The following PTAFR variants were observed in gnomAD, a reference collection of about 807,000 sequenced individuals.
PTAFR encodes platelet-activating factor receptor.
A neutral mutation model predicts 14.7 loss-of-function variants in PTAFR; 8 were observed. The ratio of observed to expected loss-of-function variants is 0.54; its 90% CI spans 0.32 to 0.98. The LOEUF is 0.98. PTAFR is among the 50% of genes least tolerant of loss of function. The pLI, the probability that PTAFR is intolerant of heterozygous loss-of-function variation, is 0.04. For missense variants in PTAFR, 337 were observed against 451.2 expected, an observed-to-expected ratio of 0.75 and a Z score of 2.29; for synonymous variants, 156 against 176.5, an observed-to-expected ratio of 0.88 and a Z score of 0.92.
chr1:28,172,176 T>C (rs1646460702), intron 1 of PTAFR, among the ~76,000 whole-genome samples: 1 of 152,158 alleles, frequency 6.6e-6, no homozygotes. Context: ...CCACCATGCC[T>C]GGCTAATTTT....
intron 1 of PTAFR, among the ~76,000 whole-genome samples, chr1:28,184,082 G>GTTTT (rs1165813776): frequency 6.1e-5 from 5 of 82,408 alleles, no homozygotes; most frequent in Admixed American, 1.5e-4. Context: ...CCATTAGTCT[G>GTTTT]TTTTTTTTTT....
At chr1:28,154,638 C>A (rs1220809764) in intron 1 of PTAFR, among the ~76,000 whole-genome samples, 1 of 151,736 alleles carries the variant, frequency 6.6e-6, no homozygotes, top group African/African-American at 2.4e-5. Context: ...ACGGTGAAAC[C>A]CCATCTCTAC....
chr1:28,177,867 G>A (rs112041687), upstream of PTAFR, among the ~76,000 whole-genome samples: 1,035 of 152,174 alleles, frequency 6.8e-3, 14 homozygotes, highest in African/African-American at 0.024. Flanking sequence ...GGGTATGTGT[G>A]AAAGTGAGCT....
intron 1 of PTAFR, among the ~76,000 whole-genome samples, chr1:28,156,588 T>G (rs1646265994): frequency 6.6e-6 from 1 of 152,226 alleles, no homozygotes; most frequent in Non-Finnish European, 1.5e-5. Flanking sequence ...ATGAAAATTT[T>G]TAGAATGTCT....
chr1:28,159,204 A>T (rs988119847), intron 1 of PTAFR, among the ~76,000 whole-genome samples: 1 of 152,192 alleles, frequency 6.6e-6, no homozygotes, highest in African/African-American at 2.4e-5. Context: ...TGAAACACCC[A>T]AAAGGACCAG....
intron 1 of PTAFR, among the ~76,000 whole-genome samples, chr1:28,193,274 C>G (rs1646670963): frequency 6.6e-6 from 1 of 151,930 alleles, no homozygotes; most frequent in East Asian, 1.9e-4. Flanking sequence ...GGGTGTGGAT[C>G]TGTCAGTGCA....
intron 1 of PTAFR, among the ~76,000 whole-genome samples, chr1:28,189,976 T>TCTTAGC (rs1396097360): frequency 4.7e-5 from 7 of 148,596 alleles, no homozygotes; most frequent in Middle Eastern, 4.1e-3. Flanking sequence ...AAATAACATT[T>TCTTAGC]ATTTTTTTTG....
At chr1:28,157,338 C>T (rs1646275378) in intron 1 of PTAFR, among the ~76,000 whole-genome samples, 1 of 151,950 alleles carries the variant, frequency 6.6e-6, no homozygotes, top group South Asian at 2.1e-4. Context: ...TGAGGCATGC[C>T]CACCATGGCC....
At chr1:28,168,876 C>G (rs1482118599) in intron 1 of PTAFR, among the ~76,000 whole-genome samples, 2 of 151,888 alleles carry the variant, frequency 1.3e-5, no homozygotes, top group Non-Finnish European at 2.9e-5. Context: ...ACATGTTGAC[C>G]AGGATAGTCT....
chr1:28,152,892 C>G (rs1233862635), intron 1 of PTAFR, among the ~76,000 whole-genome samples: 1 of 152,116 alleles, frequency 6.6e-6, no homozygotes, highest in African/African-American at 2.4e-5. Context: ...GGTAAGTAGC[C>G]TCTGGGAAGG....
chr1:28,186,265 G>GT (rs1646605651), intron 1 of PTAFR, among the ~76,000 whole-genome samples: 1 of 151,954 alleles, frequency 6.6e-6, no homozygotes, highest in Admixed American at 6.6e-5. Flanking sequence ...GATTACAGGC[G>GT]TGAGCCACTG....
intron 1 of PTAFR, among the ~76,000 whole-genome samples, chr1:28,190,603 G>A (rs1646644228): frequency 6.6e-6 from 1 of 152,208 alleles, no homozygotes; most frequent in Non-Finnish European, 1.5e-5. Context: ...TTAAGTCGTA[G>A]TAGTTAAGAA....
At chr1:28,153,507 A>T (rs1397028630) in intron 1 of PTAFR, among the ~76,000 whole-genome samples, 1 of 145,668 alleles carries the variant, frequency 6.9e-6, no homozygotes, top group Non-Finnish European at 1.5e-5. Flanking sequence ...ACACTTTGGG[A>T]GGCCAAGGCA....
intron 1 of PTAFR, among the ~76,000 whole-genome samples, chr1:28,189,726 C>T (rs1024556306): frequency 6.6e-6 from 1 of 150,598 alleles, no homozygotes; most frequent in Non-Finnish European, 1.5e-5. Context: ...AGTGCAGTGG[C>T]ATGATCTTGG....
intron 1 of PTAFR, among the ~76,000 whole-genome samples, chr1:28,186,049 C>T (rs1646603606): frequency 6.6e-6 from 1 of 152,154 alleles, no homozygotes; most frequent in Non-Finnish European, 1.5e-5. Flanking sequence ...GCCATCTCAG[C>T]TCACTGCAAC....
At chr1:28,186,650 G>A (rs185493799) in intron 1 of PTAFR, among the ~76,000 whole-genome samples, 8 of 152,182 alleles carry the variant, frequency 5.3e-5, no homozygotes, top group African/African-American at 7.2e-5. Context: ...GGTGCTGGGC[G>A]TAGTGGCACA....
At chr1:28,192,517 C>T (rs1646661803) in intron 1 of PTAFR, among the ~76,000 whole-genome samples, 1 of 142,402 alleles carries the variant, frequency 7.0e-6, no homozygotes, top group Non-Finnish European at 1.5e-5. Flanking sequence ...AAGATCACGC[C>T]ATTGCACTCC....
chr1:28,152,436 G>T (rs943138283), intron 1 of PTAFR, among the ~76,000 whole-genome samples: 6 of 151,902 alleles, frequency 3.9e-5, no homozygotes, highest in Admixed American at 2.0e-4. Context: ...ACCCCTGTCT[G>T]TACAAAAACA....
intron 1 of PTAFR, among the ~76,000 whole-genome samples, chr1:28,153,453 A>C (rs1646219920): frequency 6.6e-6 from 1 of 151,932 alleles, no homozygotes; most frequent in South Asian, 2.1e-4. Context: ...TGTAGTAAAA[A>C]GAGCGCAGTA....
Sources: allele counts gnomAD v4.1 joint callset (sites outside exome capture counted in the v4.1 genomes callset), GRCh38; gene constraint gnomAD v4.1.1; transcripts MANE v1.5; gene names NCBI Gene and HGNC (gene_info 2026-07-23, HGNC 2026-07-21).